Variants in CSMD3 observed in about 807,000 individuals in gnomAD.
CSMD3 encodes the protein CUB and Sushi multiple domains 3.
Under a neutral mutation model 435.2 loss-of-function variants are expected in CSMD3, and 177 were observed. The observed-to-expected ratio is 0.41, with a 90% CI of 0.36 to 0.46. The LOEUF (loss-of-function observed/expected upper bound fraction) is 0.46. Among genes scored for constraint, CSMD3 ranks in the 20% least tolerant of loss-of-function variants. The pLI is 0.34. For missense variants in CSMD3, 4,265 were observed against 4,504.6 expected, an observed-to-expected ratio of 0.95 and a Z score of 1.52; for synonymous variants, 1,656 against 1,520.5, an observed-to-expected ratio of 1.09 and a Z score of -2.07.
chr8:112,580,485 C>G (rs143242761), intron 23 of CSMD3, among the ~76,000 whole-genome samples: 1 of 149,206 alleles, frequency 6.7e-6, no homozygotes, highest in South Asian at 2.1e-4. Context: ...ATGTACCTGG[C>G]TTTCTATCTG....
At chr8:113,268,147 A>G (rs1481811649) in intron 3 of CSMD3, among the ~76,000 whole-genome samples, 3 of 151,820 alleles carry the variant, frequency 2.0e-5, no homozygotes, top group Non-Finnish European at 4.4e-5. Context: ...AAAGGATTCT[A>G]TATTACAAAA....
chr8:112,301,098 G>A (rs1353021195), intron 53 of CSMD3, among the ~76,000 whole-genome samples: 3 of 151,792 alleles, frequency 2.0e-5, no homozygotes, highest in Non-Finnish European at 2.9e-5. Flanking sequence ...AATCATTTTA[G>A]AGAAAACAAA....
intron 17 of CSMD3, among the ~76,000 whole-genome samples, chr8:112,656,943 A>G (rs2075271454): frequency 6.6e-6 from 1 of 152,126 alleles, no homozygotes; most frequent in Non-Finnish European, 1.5e-5. Context: ...GCTCTATTAA[A>G]GACTTCATTG....
chr8:112,492,817 T>C (rs1820831428), intron 30 of CSMD3, 134 bp from the exon 31 acceptor site: 12 of 746,580 alleles, frequency 1.6e-5, no homozygotes, highest in Non-Finnish European at 2.1e-5. Context: ...CTGTACTGAA[T>C]ATATACAGAC....
chr8:112,998,468 GTAAAA>G (rs2085738582), intron 6 of CSMD3, among the ~76,000 whole-genome samples: 1 of 151,838 alleles, frequency 6.6e-6, no homozygotes, highest in Non-Finnish European at 1.5e-5. Flanking sequence ...AAAAAATAAA[GTAAAA>G]TCATCTCCTG....
chr8:112,936,743 C>G (rs1425996191), intron 9 of CSMD3, among the ~76,000 whole-genome samples: 1 of 152,112 alleles, frequency 6.6e-6, no homozygotes, highest in African/African-American at 2.4e-5. Context: ...TCTAGAAATA[C>G]TTTAATTCAT....
intron 31 of CSMD3, among the ~76,000 whole-genome samples, chr8:112,486,897 G>C (rs117951614): frequency 2.0e-5 from 3 of 152,050 alleles, no homozygotes; most frequent in African/African-American, 7.2e-5. Flanking sequence ...TTAAATGCAG[G>C]ACCAGGCATA....
At chr8:112,436,878 A>C (rs1345112787) in intron 32 of CSMD3, among the ~76,000 whole-genome samples, 1 of 152,102 alleles carries the variant, frequency 6.6e-6, no homozygotes, top group East Asian at 1.9e-4. Context: ...TTACAAATGC[A>C]CACAATGCAG....
intron 1 of CSMD3, among the ~76,000 whole-genome samples, chr8:113,336,980 T>TA (rs2094080557): frequency 6.6e-6 from 1 of 152,128 alleles, no homozygotes; most frequent in South Asian, 2.1e-4. Context: ...GGAAGCCACA[T>TA]ATTTTTCTGT....
intron 3 of CSMD3, among the ~76,000 whole-genome samples, chr8:113,218,201 A>T (rs2092927921): frequency 6.6e-6 from 1 of 150,512 alleles, no homozygotes; most frequent in Non-Finnish European, 1.5e-5. Context: ...TGAGGCACAA[A>T]ACTATAGGGA....
chr8:112,942,479 T>C (rs910305697), intron 9 of CSMD3, among the ~76,000 whole-genome samples: 1 of 151,824 alleles, frequency 6.6e-6, no homozygotes, highest in African/African-American at 2.4e-5. Flanking sequence ...TCATTAGTGA[T>C]AGACTGGATA....
At chr8:113,262,274 C>T (rs1348153114) in intron 3 of CSMD3, among the ~76,000 whole-genome samples, 2 of 151,974 alleles carry the variant, frequency 1.3e-5, no homozygotes, top group East Asian at 3.9e-4. Flanking sequence ...ATGAAGAATA[C>T]ATTGACTATA....
intron 3 of CSMD3, among the ~76,000 whole-genome samples, chr8:113,197,806 T>C (rs7817251): frequency 0.14 from 20,982 of 151,126 alleles, 2,634 homozygotes; most frequent in African/African-American, 0.33. Flanking sequence ...TTCAATATAA[T>C]TTATTTTATA....
rs555061908 is a variant in CSMD3, at chr8:112,292,654, A to G, written c.8671T>C (p.Phe2891Leu). 1 of 1,613,712 alleles carries G rather than the reference A, an allele frequency of 6.2e-7. No homozygotes were observed. Among genetic ancestry groups the G allele is most frequent in the Admixed American group, 1.7e-5 (1 of 59,948 alleles). The change falls in exon 55 of 71, where the codon TTC becomes CTC. Residue 2891 changes from phenylalanine to leucine, a missense_variant. This residue lies in a region of CSMD3 where 3,255 missense variants were observed against 3,380.2 expected (regional missense o/e 0.96). Transcript: ENST00000297405. ...AATGTTACCACATCATTAAAGTTGAACCCATTTCCACTTGTTCTTCCATAA... is the reference window on the plus strand; with the variant it reads ...AATGTTACCACATCATTAAAGTTGAGCCCATTTCCACTTGTTCTTCCATAA... ...PIYGRTSGNG[F>L]NFNDVVTFSC...
intron 5 of CSMD3, among the ~76,000 whole-genome samples, chr8:113,020,032 G>A (rs1179330713): frequency 1.3e-5 from 2 of 150,260 alleles, no homozygotes; most frequent in East Asian, 1.9e-4. Context: ...GCGCGGTGGC[G>A]GGCGCCTGTA....
At chr8:112,675,257 C>T (rs139169980) in intron 16 of CSMD3, among the ~76,000 whole-genome samples, 2 of 152,144 alleles carry the variant, frequency 1.3e-5, no homozygotes, top group African/African-American at 4.8e-5. Flanking sequence ...CGAGTATCCA[C>T]AAGAAAAAGG....
chr8:112,764,878 T>C (rs1368832717), intron 13 of CSMD3, among the ~76,000 whole-genome samples: 1 of 151,550 alleles, frequency 6.6e-6, no homozygotes, highest in African/African-American at 2.4e-5. Context: ...GTGGCTATGG[T>C]TGAGTTGAGG....
chr8:112,743,007 T>A (rs2077345892), intron 13 of CSMD3, among the ~76,000 whole-genome samples: 1 of 152,016 alleles, frequency 6.6e-6, no homozygotes, highest in Admixed American at 6.6e-5. Context: ...CCAGTATTTT[T>A]ATTTTGCAGT....
At chr8:112,754,932 G>C (rs759756908) in intron 13 of CSMD3, among the ~76,000 whole-genome samples, 1 of 152,158 alleles carries the variant, frequency 6.6e-6, no homozygotes, top group Non-Finnish European at 1.5e-5. Context: ...AGCAATTACT[G>C]TTAGTTCCAA....
Sources: gnomAD v4.1 joint callset for allele counts (sites outside exome capture counted in the v4.1 genomes callset) on GRCh38, gnomAD v4.1.1 for gene constraint, gnomAD v4.1.1 regional missense constraint, MANE v1.5 for transcripts, NCBI Gene and HGNC (gene_info 2026-07-23, HGNC 2026-07-21) for gene names.